Variants in DPP10 observed in about 807,000 individuals in gnomAD.
DPP10 encodes the protein dipeptidyl peptidase like 10, also known as inactive dipeptidyl peptidase 10.
A neutral mutation model predicts 120.9 loss-of-function variants in DPP10; 33 were observed. The ratio of observed to expected loss-of-function variants is 0.27; its 90% CI spans 0.21 to 0.37. The LOEUF (loss-of-function observed/expected upper bound fraction) is 0.37. DPP10 is among the 10% of genes least tolerant of loss of function. DPP10 has a pLI of 1.00. For missense variants in DPP10, 816 were observed against 942.8 expected, an observed-to-expected ratio of 0.87 and a Z score of 1.76; for synonymous variants, 337 against 326.1, an observed-to-expected ratio of 1.03 and a Z score of -0.36.
intron 2 of DPP10, among the ~76,000 whole-genome samples, chr2:115,332,329 GT>G (rs2062800702): frequency 6.6e-6 from 1 of 151,918 alleles, no homozygotes; most frequent in Admixed American, 6.6e-5. Context: ...TTCTTTATTA[GT>G]TTTGCTAGTG....
chr2:114,705,709 G>A (rs1308320984), intron 1 of DPP10, among the ~76,000 whole-genome samples: 1 of 152,008 alleles, frequency 6.6e-6, no homozygotes, highest in Non-Finnish European at 1.5e-5. Context: ...GAGACCATGA[G>A]GACAAAAAAG....
At chr2:114,664,145 A>G (rs1403763043) in intron 1 of DPP10, among the ~76,000 whole-genome samples, 2 of 151,962 alleles carry the variant, frequency 1.3e-5, no homozygotes, top group African/African-American at 4.8e-5. Flanking sequence ...AATTATTCAT[A>G]TTTTTGCACT....
At chr2:115,404,487 G>T (rs2068360676) in intron 3 of DPP10, among the ~76,000 whole-genome samples, 1 of 152,084 alleles carries the variant, frequency 6.6e-6, no homozygotes, top group Admixed American at 6.5e-5. Flanking sequence ...ATTGAGGAAA[G>T]AAATTCAGGG....
intron 1 of DPP10, among the ~76,000 whole-genome samples, chr2:115,115,553 A>G (rs898889965): frequency 3.3e-5 from 5 of 152,210 alleles, no homozygotes; most frequent in Non-Finnish European, 5.9e-5. Context: ...ATTATCCCTT[A>G]TCTCACAAAG....
At chr2:115,489,151 C>A (rs140408062) in intron 3 of DPP10, among the ~76,000 whole-genome samples, 1 of 152,004 alleles carries the variant, frequency 6.6e-6, no homozygotes, top group African/African-American at 2.4e-5. Context: ...TAAGGCTTTG[C>A]GGGCCATATT....
intron 1 of DPP10, among the ~76,000 whole-genome samples, chr2:114,939,260 G>A (rs1379587062): frequency 2.6e-5 from 4 of 151,922 alleles, no homozygotes; most frequent in African/African-American, 7.2e-5. Flanking sequence ...AGGAGGAAGA[G>A]CAGGTGTTGA....
At chr2:114,653,027 A>AGAGAGTGTGTGTGTGTGTGT (rs1553476958) in intron 1 of DPP10, among the ~76,000 whole-genome samples, 10 of 135,774 alleles carry the variant, frequency 7.4e-5, no homozygotes, top group African/African-American at 3.1e-4. Flanking sequence ...AGAGAGAGAG[A>AGAGAGTGTGTGTGTGTGTGT]GTGTGTGTGT....
intron 5 of DPP10, among the ~76,000 whole-genome samples, chr2:115,602,454 T>C (rs2149218533): frequency 6.6e-6 from 1 of 152,362 alleles, no homozygotes; most frequent in South Asian, 2.1e-4. Context: ...TCGTTACTTC[T>C]GTGTCCTATA....
chr2:115,135,568 A>T (rs1192683227), intron 1 of DPP10, among the ~76,000 whole-genome samples: 1 of 152,140 alleles, frequency 6.6e-6, no homozygotes, highest in Non-Finnish European at 1.5e-5. Flanking sequence ...TCATAATTTT[A>T]AATGGAACAT....
intron 1 of DPP10, among the ~76,000 whole-genome samples, chr2:114,740,014 C>T (rs1283170739): frequency 1.3e-5 from 2 of 151,920 alleles, no homozygotes; most frequent in Non-Finnish European, 2.9e-5. Flanking sequence ...TAGGTATATA[C>T]CCAAAGGACT....
chr2:115,206,361 T>G (rs892808466), intron 1 of DPP10, among the ~76,000 whole-genome samples: 2 of 152,158 alleles, frequency 1.3e-5, no homozygotes, highest in African/African-American at 2.4e-5. Flanking sequence ...TATTAATTAC[T>G]ATTCTCTGAA....
At chr2:115,491,667 G>T (rs2105350539) in intron 3 of DPP10, among the ~76,000 whole-genome samples, 1 of 152,216 alleles carries the variant, frequency 6.6e-6, no homozygotes, top group South Asian at 2.1e-4. Flanking sequence ...TCGGGGAGGA[G>T]TTTGGAATGT....
At chr2:115,324,847 T>G (rs1241800125) in intron 2 of DPP10, among the ~76,000 whole-genome samples, 1 of 152,152 alleles carries the variant, frequency 6.6e-6, no homozygotes, top group Non-Finnish European at 1.5e-5. Flanking sequence ...TGACTCTTCC[T>G]TTCGCTGGAA....
chr2:114,507,981 C>T (rs1170429538), intron 1 of DPP10, among the ~76,000 whole-genome samples: 1 of 152,062 alleles, frequency 6.6e-6, no homozygotes, highest in Non-Finnish European at 1.5e-5. Context: ...AAATGACAGC[C>T]TCTTTTCTTC....
In DPP10 at chr2:115,548,910, T is replaced by C. The variant is rs138458969; in HGVS notation, c.441+22938T>C. 2.6e-4 allele frequency among the ~76,000 whole-genome samples: 39 copies of C among 152,284 alleles called. No homozygotes were observed. In the East Asian group the frequency reaches 6.8e-3, roughly 26 times the overall value. On this transcript the variant is annotated intron_variant, in intron 5 of 25. Coordinates refer to ENST00000410059, the MANE Select transcript of DPP10 (RefSeq NM_020868.6). ...CTTCTCTCACCAAAATGTAATGTTC[T>C]CTTGATTCTTCTATTTCTCTTAAAG...
At chr2:114,974,790 G>A (rs2104814426) in intron 1 of DPP10, among the ~76,000 whole-genome samples, 1 of 152,002 alleles carries the variant, frequency 6.6e-6, no homozygotes, top group African/African-American at 2.4e-5. Context: ...ATGTTTGCAG[G>A]AAAACAAAAA....
intron 1 of DPP10, among the ~76,000 whole-genome samples, chr2:114,961,129 GCAACCTC>G (rs1698594338): frequency 8.3e-6 from 1 of 119,850 alleles, no homozygotes; most frequent in Non-Finnish European, 1.6e-5. Context: ...TCAGCTCACC[GCAACCTC>G]CACCTCCCGG....
At position 115,256,202 on chromosome 2, in the gene DPP10, G is replaced by A. The variant is rs114450395; in HGVS notation, c.61-53037G>A. On this transcript the variant is annotated intron_variant, in intron 1 of 25. Transcript: ENST00000410059. ...GCAAACACGTCTTTCTTCATATAGCGGCAGCAAGGAGAAGTGCCAAGCAAA... is the reference window on the plus strand; with the variant it reads ...GCAAACACGTCTTTCTTCATATAGCAGCAGCAAGGAGAAGTGCCAAGCAAA... Among the ~76,000 whole-genome samples the A allele has an allele frequency of 1.4e-3, 218 of 152,218 alleles. 1 individual carries two copies. The highest frequency in any genetic ancestry group is 4.1e-3 in the Admixed American group (63 of 15,290).
At chr2:115,807,494 A>G (rs1366664145) in intron 19 of DPP10, among the ~76,000 whole-genome samples, 11 of 152,190 alleles carry the variant, frequency 7.2e-5, no homozygotes, top group Admixed American at 7.2e-4. Context: ...AACTGCAGTT[A>G]AACAACTGGA....
Sources: gnomAD v4.1 joint callset for allele counts (sites outside exome capture counted in the v4.1 genomes callset) on GRCh38, gnomAD v4.1.1 for gene constraint, MANE v1.5 for transcripts, NCBI Gene and HGNC (gene_info 2026-07-23, HGNC 2026-07-21) for gene names.